Variants in RORA observed in about 807,000 individuals in gnomAD.
RORA encodes the protein RAR related orphan receptor A, also known as nuclear receptor ROR-alpha.
In RORA, 7 loss-of-function variants were observed where a neutral mutation model predicts 69.5. The observed-to-expected ratio is 0.10, with a 90% CI of 0.06 to 0.19. The LOEUF (loss-of-function observed/expected upper bound fraction) is 0.19, where lower values mean the gene tolerates loss of function less well. Among genes scored for constraint, RORA ranks in the 10% least tolerant of loss-of-function variants. RORA has a pLI of 1.00. For synonymous variants in RORA, 261 were observed against 240.8 expected (o/e 1.08, Z -0.78); for missense variants, 457 against 663.0 (o/e 0.69, Z 3.41).
At chr15:60,921,643 T>C (rs1892051743) in intron 1 of RORA, among the ~76,000 whole-genome samples, 1 of 152,220 alleles carries the variant, frequency 6.6e-6, no homozygotes, top group African/African-American at 2.4e-5. Flanking sequence ...AAATATGATC[T>C]GTGCACATTT....
chr15:60,558,226 C>T, intron 2 of RORA: 1 of 1,607,962 alleles, frequency 6.2e-7, no homozygotes, highest in South Asian at 1.1e-5. Flanking sequence ...TTCACTTACA[C>T]AGACGCCAGT....
chr15:60,812,674 G>A (rs1209686420), intron 1 of RORA, among the ~76,000 whole-genome samples: 3 of 152,178 alleles, frequency 2.0e-5, no homozygotes, highest in African/African-American at 7.2e-5. Flanking sequence ...GTGGCTTAAG[G>A]AGACCAGAGA....
At chr15:61,208,760 C>A (rs993301519) in intron 1 of RORA, among the ~76,000 whole-genome samples, 2 of 152,156 alleles carry the variant, frequency 1.3e-5, no homozygotes, top group East Asian at 3.9e-4. Context: ...GGGCTGGGAT[C>A]AGAACCGAGG....
At chr15:60,554,517 GGGCTAAT>G (rs1452941279) in intron 2 of RORA, among the ~76,000 whole-genome samples, 3 of 152,174 alleles carry the variant, frequency 2.0e-5, no homozygotes, top group African/African-American at 7.2e-5. Flanking sequence ...ATTAATTACA[GGGCTAAT>G]GACCCATTGA....
chr15:60,671,313 G>A (rs1158037994), intron 2 of RORA, among the ~76,000 whole-genome samples: 3 of 152,012 alleles, frequency 2.0e-5, no homozygotes, highest in South Asian at 2.1e-4. Context: ...TGTGCTGTAC[G>A]AAATATATGT....
chr15:61,011,816 C>G (rs557949433), intron 1 of RORA, among the ~76,000 whole-genome samples: 5 of 152,222 alleles, frequency 3.3e-5, no homozygotes, highest in Non-Finnish European at 1.5e-5. Flanking sequence ...TTTCAGCAAA[C>G]AAGAAGAAAT....
chr15:60,903,042 T>A (rs1466981551), intron 1 of RORA, among the ~76,000 whole-genome samples: 4 of 152,262 alleles, frequency 2.6e-5, no homozygotes, highest in Non-Finnish European at 5.9e-5. Flanking sequence ...GGATGAATTC[T>A]GGTCTTCCTC....
Position 60,493,470 on chromosome 15 carries a change from T to C in RORA, c.*3985A>G, listed in dbSNP as rs1267286320. Reference sequence around the variant, plus strand: ...GAAGCTTACATACTACTTAAACCTTTTCATGAAAGATACTACTAGGTTGTT... The same window carrying C: ...GAAGCTTACATACTACTTAAACCTTCTCATGAAAGATACTACTAGGTTGTT... On this transcript the variant is annotated 3_prime_UTR_variant, in exon 11 of 11. Coordinates refer to ENST00000335670, the MANE Select transcript of RORA (RefSeq NM_134261.3). The C allele has an allele frequency of 4.6e-5, 7 of 152,276 alleles. No homozygotes were observed. Among genetic ancestry groups the C allele is most frequent in the Non-Finnish European group, 1.5e-5 (1 of 68,012 alleles). The allele number at this position is 152,276 out of a possible 1,614,324, so 9.4% of individuals were successfully genotyped here.
chr15:60,924,353 T>A (rs1030459800), intron 1 of RORA, among the ~76,000 whole-genome samples: 2 of 52,524 alleles, frequency 3.8e-5, no homozygotes, highest in African/African-American at 7.9e-5. Context: ...TCTTATTGTA[T>A]CACTGCCGCT....
chr15:61,025,331 CA>C (rs1402779726), intron 1 of RORA, among the ~76,000 whole-genome samples: 1 of 152,222 alleles, frequency 6.6e-6, no homozygotes, highest in African/African-American at 2.4e-5. Context: ...AGAGAACTTT[CA>C]GCCCCCAGAC....
rs184678942 is a variant in RORA, at chr15:61,132,068, G to A, written c.166+96985C>T. On this transcript the variant is annotated intron_variant, in intron 1 of 10. Coordinates refer to ENST00000335670, the MANE Select transcript of RORA (RefSeq NM_134261.3). ...TCTTTTTAAAATAGAAATCAGATTT[G>A]CATTCAAGTCTTTTAAAAAAGGAGG... Among the ~76,000 whole-genome samples, 167 of 152,126 alleles carry A rather than the reference G, an allele frequency of 1.1e-3. 1 individual carries two copies. Among genetic ancestry groups the A allele is most frequent in the Non-Finnish European group, 1.8e-4 (12 of 68,006 alleles).
chr15:60,871,666 C>G (rs929338535), intron 1 of RORA, among the ~76,000 whole-genome samples: 3 of 152,228 alleles, frequency 2.0e-5, no homozygotes, highest in African/African-American at 7.2e-5. Flanking sequence ...TTTTACAGAA[C>G]TGGCTCTCTC....
intron 1 of RORA, among the ~76,000 whole-genome samples, chr15:61,153,617 T>C (rs1438158500): frequency 6.6e-6 from 1 of 152,208 alleles, no homozygotes; most frequent in East Asian, 1.9e-4. Context: ...GACTTGAATG[T>C]TTGGCTATAT....
chr15:60,639,280 A>G (rs2069898612), intron 2 of RORA, among the ~76,000 whole-genome samples: 1 of 149,238 alleles, frequency 6.7e-6, no homozygotes, highest in Non-Finnish European at 1.5e-5. Context: ...AGTGCCATAC[A>G]TGTCAATTAA....
intron 1 of RORA, among the ~76,000 whole-genome samples, chr15:60,937,712 G>C (rs1892567069): frequency 6.6e-6 from 1 of 152,250 alleles, no homozygotes; most frequent in Non-Finnish European, 1.5e-5. Flanking sequence ...TCACGTTTCA[G>C]CTCCAACTAC....
At chr15:60,863,892 C>A (rs1456460156) in intron 1 of RORA, among the ~76,000 whole-genome samples, 1 of 152,026 alleles carries the variant, frequency 6.6e-6, no homozygotes, top group Non-Finnish European at 1.5e-5. Flanking sequence ...CTGCAACCTC[C>A]GCCTCCCAGG....
At chr15:61,173,545 C>G (rs148678429) in intron 1 of RORA, among the ~76,000 whole-genome samples, 1 of 152,340 alleles carries the variant, frequency 6.6e-6, no homozygotes, top group African/African-American at 2.4e-5. Context: ...ACCTGAACAT[C>G]ATTTGCCATG....
intron 1 of RORA, among the ~76,000 whole-genome samples, chr15:60,957,622 A>G (rs1053876147): frequency 5.9e-5 from 9 of 152,226 alleles, no homozygotes; most frequent in African/African-American, 2.2e-4. Context: ...TCAGTGAGGC[A>G]GAGATGCACA....
intron 1 of RORA, among the ~76,000 whole-genome samples, chr15:60,815,823 C>A (rs909918657): frequency 6.7e-6 from 1 of 149,216 alleles, no homozygotes; most frequent in Non-Finnish European, 1.5e-5. Flanking sequence ...ATTTCATTGA[C>A]AATAATAGTA....
Sources: gnomAD v4.1 joint callset for allele counts (sites outside exome capture counted in the v4.1 genomes callset) on GRCh38, gnomAD v4.1.1 for gene constraint, MANE v1.5 for transcripts, NCBI Gene and HGNC (gene_info 2026-07-23, HGNC 2026-07-21) for gene names.